Variants in CDH4 observed in about 807,000 individuals in gnomAD.
CDH4 encodes cadherin 4.
In CDH4, 33 loss-of-function variants were observed where a neutral mutation model predicts 86.0. That is an observed-to-expected ratio of 0.38 (90% confidence interval 0.29 to 0.51). The LOEUF (loss-of-function observed/expected upper bound fraction) is 0.51, where lower values mean the gene tolerates loss of function less well. Among genes scored for constraint, CDH4 ranks in the 20% least tolerant of loss-of-function variants. The pLI, the probability that CDH4 is intolerant of heterozygous loss-of-function variation, is 0.86. For synonymous variants in CDH4, 555 were observed against 549.4 expected, an observed-to-expected ratio of 1.01 and a Z score of -0.14; for missense variants, 1,114 against 1,307.4, an observed-to-expected ratio of 0.85 and a Z score of 2.28.
At chr20:61,637,585 TTC>T (rs1236191174) in intron 2 of CDH4, among the ~76,000 whole-genome samples, 1 of 152,254 alleles carries the variant, frequency 6.6e-6, no homozygotes, top group African/African-American at 2.4e-5. Context: ...CTTCCTTTTT[TTC>T]TCTTTTATTT....
intron 2 of CDH4, among the ~76,000 whole-genome samples, chr20:61,618,155 G>A (rs1277452799): frequency 1.3e-5 from 2 of 152,106 alleles, no homozygotes; most frequent in African/African-American, 2.4e-5. Context: ...CTAATACAGG[G>A]CCGGTGCTGG....
chr20:61,578,507 T>TC (rs1375651528), intron 2 of CDH4, among the ~76,000 whole-genome samples: 1 of 152,188 alleles, frequency 6.6e-6, no homozygotes, highest in African/African-American at 2.4e-5. Flanking sequence ...CATTTACAGT[T>TC]CATCAAAGAA....
chr20:61,488,859 G>T (rs530299455), intron 2 of CDH4, among the ~76,000 whole-genome samples: 1 of 152,320 alleles, frequency 6.6e-6, no homozygotes, highest in Non-Finnish European at 1.5e-5. Context: ...TATGTCCTCA[G>T]ATCAGCCCCA....
intron 2 of CDH4, among the ~76,000 whole-genome samples, chr20:61,264,202 G>T (rs567612018): frequency 6.6e-6 from 1 of 152,108 alleles, no homozygotes; most frequent in Non-Finnish European, 1.5e-5. Context: ...ACTGGCTTCC[G>T]CACACTAAGG....
intron 2 of CDH4, among the ~76,000 whole-genome samples, chr20:61,734,175 C>T (rs1287629492): frequency 2.6e-5 from 4 of 152,238 alleles, no homozygotes; most frequent in East Asian, 1.9e-4. Context: ...CCGTCACTGC[C>T]GTGCACGCGT....
chr20:61,262,250 T>A (rs1378874376), intron 2 of CDH4, among the ~76,000 whole-genome samples: 1 of 152,198 alleles, frequency 6.6e-6, no homozygotes, highest in Non-Finnish European at 1.5e-5. Context: ...TGAGAGCTGG[T>A]CCTGAGGCTG....
At chr20:61,677,023 C>G (rs369508887) in intron 2 of CDH4, among the ~76,000 whole-genome samples, 2 of 152,256 alleles carry the variant, frequency 1.3e-5, no homozygotes, top group African/African-American at 4.8e-5. Flanking sequence ...GAGGACCAGA[C>G]AGAGAGAGGA....
intron 2 of CDH4, among the ~76,000 whole-genome samples, chr20:61,711,783 G>C (rs1440243573): frequency 6.6e-6 from 1 of 152,166 alleles, no homozygotes; most frequent in Admixed American, 6.5e-5. Context: ...CCGTGTGCGG[G>C]GCTGAAACAT....
intron 2 of CDH4, among the ~76,000 whole-genome samples, chr20:61,401,042 A>C (rs2085046703): frequency 6.6e-6 from 1 of 152,196 alleles, no homozygotes; most frequent in African/African-American, 2.4e-5. Flanking sequence ...ACAAGTCCAG[A>C]GCTCCTAGCA....
chr20:61,927,413 C>T (rs1254295743), intron 11 of CDH4, among the ~76,000 whole-genome samples: 1 of 152,226 alleles, frequency 6.6e-6, no homozygotes, highest in Non-Finnish European at 1.5e-5. Context: ...TCCGTTCATG[C>T]TGAAGCCAGA....
intron 2 of CDH4, among the ~76,000 whole-genome samples, chr20:61,673,293 A>T (rs934846127): frequency 2.0e-5 from 3 of 152,184 alleles, no homozygotes; most frequent in Non-Finnish European, 4.4e-5. Flanking sequence ...CCTGAATCTC[A>T]GCGGCAGCTG....
rs2088557959 is a variant in CDH4, at chr20:61,755,781, C to CA, written c.396+11992_396+11993insA. On this transcript the variant is annotated intron_variant, in intron 3 of 15. Coordinates refer to ENST00000614565, the MANE Select transcript of CDH4 (RefSeq NM_001794.5). ...CACACACACTACACACATATACACA[C>CA]CACACACACACACCACACATTTACA... Among the ~76,000 whole-genome samples, 11 of 151,670 alleles carry CA rather than the reference C, an allele frequency of 7.3e-5. No homozygotes were observed. The South Asian group carries it at 2.3e-3, about 32-fold the overall frequency.
At chr20:61,907,258 C>A (rs2054800008) in intron 8 of CDH4, among the ~76,000 whole-genome samples, 1 of 152,058 alleles carries the variant, frequency 6.6e-6, no homozygotes, top group Non-Finnish European at 1.5e-5. Context: ...GGCTGCCCCT[C>A]CCGCCCATTC....
chr20:61,671,726 A>G (rs1423465013), intron 2 of CDH4, among the ~76,000 whole-genome samples: 1 of 148,970 alleles, frequency 6.7e-6, no homozygotes, highest in South Asian at 2.2e-4. Context: ...AAATGAATGG[A>G]TGGGTGGATG....
chr20:61,901,528 C>T (rs1321953457), intron 8 of CDH4, among the ~76,000 whole-genome samples: 1 of 152,278 alleles, frequency 6.6e-6, no homozygotes, highest in Non-Finnish European at 1.5e-5. Flanking sequence ...CCCAGCCAGA[C>T]AGGAGCCGTC....
intron 2 of CDH4, among the ~76,000 whole-genome samples, chr20:61,659,111 G>A (rs62197806): frequency 0.092 from 14,047 of 152,198 alleles, 651 homozygotes; most frequent in East Asian, 0.15. Flanking sequence ...GAATGTATTT[G>A]ATTGGTAAGT....
In CDH4 at chr20:61,392,832, C is replaced by T. The variant is rs1401963753; in HGVS notation, c.169+137895C>T. Among the ~76,000 whole-genome samples, 1 of 152,146 alleles carries T rather than the reference C, an allele frequency of 6.6e-6. No individual in the cohort carries two copies. ...CACGGTGCTCTAGAAATGTCAGATG[C>T]ATTCGTCTTCCATTAGCCCCTCCAC... On this transcript the variant is annotated intron_variant, in intron 2 of 15. Transcript: ENST00000614565. This position sits in a 1 kb window ranked among gnomAD's most constrained non-coding sequence, Gnocchi z 5.7.
At chr20:61,413,138 C>T (rs1363352341) in intron 2 of CDH4, among the ~76,000 whole-genome samples, 1 of 152,096 alleles carries the variant, frequency 6.6e-6, no homozygotes, top group African/African-American at 2.4e-5. Flanking sequence ...GCCCCCCTTC[C>T]CATCCCAGCC....
rs1171933825 is a variant in CDH4, at chr20:61,810,772, T to A, written c.577-33896T>A. 3.9e-5 allele frequency among the ~76,000 whole-genome samples: 6 copies of A among 152,120 alleles called. No homozygotes were observed. Among genetic ancestry groups the A allele is most frequent in the Non-Finnish European group, 1.5e-5 (1 of 68,034 alleles). On this transcript the variant is annotated intron_variant, in intron 4 of 15. Transcript: ENST00000614565. This position sits in a 1 kb window ranked among gnomAD's most constrained non-coding sequence, Gnocchi z 4.3. ...GGGCAGAACCAAGCAGGGCCCGCAGTCTGCAAGAACTCCTGGGACCCCCAG... is the reference window on the plus strand; with the variant it reads ...GGGCAGAACCAAGCAGGGCCCGCAGACTGCAAGAACTCCTGGGACCCCCAG...
Sources: gnomAD v4.1 joint callset for allele counts (sites outside exome capture counted in the v4.1 genomes callset) on GRCh38, gnomAD v4.1.1 for gene constraint, Gnocchi (gnomAD v3.1) non-coding constraint, MANE v1.5 for transcripts, NCBI Gene and HGNC (gene_info 2026-07-23, HGNC 2026-07-21) for gene names.